PPEF2: variants seen among roughly 807,000 people sequenced by gnomAD.
PPEF2 encodes protein phosphatase with EF-hand domain 2.
Under a neutral mutation model 84.7 loss-of-function variants are expected in PPEF2, and 84 were observed. That is an observed-to-expected ratio of 0.99 (90% CI 0.83 to 1.19). PPEF2 has a LOEUF of 1.19. PPEF2 is among the 50% of genes most tolerant of loss of function. The pLI is 0.00. For missense variants in PPEF2, 924 were observed against 937.5 expected, an observed-to-expected ratio of 0.99 and a Z score of 0.19; for synonymous variants, 346 against 345.2, an observed-to-expected ratio of 1.00 and a Z score of -0.03.
At chr4:75,878,690 T>C (rs1578007407) in intron 10 of PPEF2, among the ~76,000 whole-genome samples, 1 of 152,182 alleles carries the variant, frequency 6.6e-6, no homozygotes, top group South Asian at 2.1e-4. Context: ...AGCCACAAAA[T>C]GTAAACCAAC....
At chr4:75,883,280 T>C (rs1300165569) in intron 8 of PPEF2, 78 bp from the exon 9 acceptor site, 3 of 1,340,366 alleles carry the variant, frequency 2.2e-6, no homozygotes, top group East Asian at 4.6e-5. Flanking sequence ...TTTAGAAGAA[T>C]GCATATTCTG....
At chr4:75,897,002 C>T (rs994220982) in intron 1 of PPEF2, among the ~76,000 whole-genome samples, 1 of 152,092 alleles carries the variant, frequency 6.6e-6, no homozygotes, top group African/African-American at 2.4e-5. Context: ...CTCACCCCCT[C>T]AGCCTCCCGG....
At chr4:75,885,535 T>C (rs2149223714) in intron 7 of PPEF2, among the ~76,000 whole-genome samples, 1 of 152,342 alleles carries the variant, frequency 6.6e-6, no homozygotes, top group Non-Finnish European at 1.5e-5. Flanking sequence ...TTTTCTATTA[T>C]TTATTTGCTG....
intron 11 of PPEF2, among the ~76,000 whole-genome samples, chr4:75,873,687 G>A (rs1478263752): frequency 6.6e-6 from 1 of 152,194 alleles, no homozygotes; most frequent in Non-Finnish European, 1.5e-5. Context: ...CTAAAGAGAA[G>A]GCGCAAGTCC....
At chr4:75,901,804 A>C (rs752689491) in intron 1 of PPEF2, among the ~76,000 whole-genome samples, 56 of 152,156 alleles carry the variant, frequency 3.7e-4, no homozygotes, top group Non-Finnish European at 6.5e-4. Flanking sequence ...TTATCATGAA[A>C]AACAAAAATT....
In PPEF2 at chr4:75,888,218, C is replaced by T. The variant is rs1159395087; in HGVS notation, c.528G>A (p.Val176=). 1 of 1,605,804 alleles carries T rather than the reference C, an allele frequency of 6.2e-7. No individual in the cohort carries two copies. Among genetic ancestry groups the T allele is most frequent in the Admixed American group, 1.7e-5 (1 of 60,008 alleles). Residue 176 remains valine, a synonymous_variant, in exon 6 of 17, where the codon GTG becomes GTA. Transcript: ENST00000286719. Reference sequence around the variant, plus strand: ...CCGTTTCTGACCAGCTCTTACCACACACTGTGATCTCCTCACTGTAACAGG... The same window carrying T: ...CCGTTTCTGACCAGCTCTTACCACATACTGTGATCTCCTCACTGTAACAGG... ...VSTCYSEEIT[V]CGDLHGQLDD...
chr4:75,860,908 A>C lies in PPEF2; in HGVS notation c.2021T>G (p.Leu674Arg), dbSNP rs1560477697. 2 of 1,613,972 alleles carry C rather than the reference A, an allele frequency of 1.2e-6. No individual in the cohort carries two copies. Among genetic ancestry groups the C allele is most frequent in the South Asian group, 1.1e-5 (1 of 91,080 alleles). The change falls in exon 17 of 17, where the codon CTG (leucine) becomes CGG (arginine). Residue 674 changes from leucine (L) to arginine (R), a missense_variant. Transcript: ENST00000286719. ...IDSDHSGFIS[L>R]DEFRQTWKLF... ...CTTCCAGGTCTGCCTGAACTCGTCC[A>C]GTGAGATGAACCCTTATCAGAGGGA... is the stretch of plus-strand genomic sequence containing the variant.
At chr4:75,867,279 T>C in intron 14 of PPEF2, 34 bp downstream of exon 14, 1 of 1,541,224 alleles carries the variant, frequency 6.5e-7, no homozygotes, top group Non-Finnish European at 9.0e-7. Flanking sequence ...GCTAGCTTCC[T>C]TCCTCTGTGA....
intron 2 of PPEF2, among the ~76,000 whole-genome samples, chr4:75,893,522 G>C (rs1406894306): frequency 6.7e-6 from 1 of 149,868 alleles, no homozygotes; most frequent in Non-Finnish European, 1.5e-5. Context: ...ACACACAAAA[G>C]AGAATAGTGA....
At chr4:75,893,487 G>GACACAC (rs10624574) in intron 2 of PPEF2, among the ~76,000 whole-genome samples, 34,215 of 148,800 alleles carry the variant, frequency 0.23, 4,072 homozygotes, top group Non-Finnish European at 0.26. Flanking sequence ...TAGAGACTCT[G>GACACAC]ACACACACAC....
At chr4:75,893,224 G>A (rs575307592) in intron 2 of PPEF2, among the ~76,000 whole-genome samples, 70 of 152,282 alleles carry the variant, frequency 4.6e-4, no homozygotes, top group African/African-American at 1.6e-3. Context: ...GAGGCTGGGC[G>A]TGGTGGCTCA....
intron 1 of PPEF2, among the ~76,000 whole-genome samples, chr4:75,898,655 T>A (rs1725059567): frequency 6.6e-6 from 1 of 152,196 alleles, no homozygotes; most frequent in Non-Finnish European, 1.5e-5. Context: ...TCCCCAGGAT[T>A]TAGCACAGTG....
In PPEF2 at chr4:75,902,231, T is replaced by A. The variant is rs1725138219; in HGVS notation, c.-60A>T. On this transcript the variant is annotated splice_region_variant and 5_prime_UTR_variant, in exon 1 of 17. It adds an upstream start codon to the 5' untranslated region. Coordinates refer to ENST00000286719, the MANE Select transcript of PPEF2 (RefSeq NM_006239.3). ...TTAGGCTAGACAGAAAGTTCTTACC[T>A]TCTTTGCTGGGTTTTTTATTTACCA... 6.6e-6 allele frequency: 1 copy of A among 152,252 alleles called. No homozygotes were observed. Among genetic ancestry groups the A allele is most frequent in the Admixed American group, 6.5e-5 (1 of 15,290 alleles). 9.4% of individuals were successfully genotyped at this position (152,252 alleles called of 1,614,324 possible).
intron 10 of PPEF2, among the ~76,000 whole-genome samples, chr4:75,879,973 C>T (rs1208188506): frequency 2.6e-5 from 4 of 151,780 alleles, no homozygotes; most frequent in South Asian, 4.2e-4. Context: ...GGAGTATAGG[C>T]GCGCGTCACC....
intron 2 of PPEF2, among the ~76,000 whole-genome samples, chr4:75,893,542 C>T (rs981168440): frequency 7.9e-5 from 12 of 151,980 alleles, no homozygotes; most frequent in Non-Finnish European, 1.5e-4. Context: ...AATGAAAGGT[C>T]CAGGGCTGGT....
At chr4:75,877,584 C>G (rs947998005) in intron 10 of PPEF2, among the ~76,000 whole-genome samples, 1 of 151,860 alleles carries the variant, frequency 6.6e-6, no homozygotes, top group East Asian at 1.9e-4. Flanking sequence ...GAGAGTAAGT[C>G]TGAGAAACAT....
At chr4:75,886,933 T>C in intron 6 of PPEF2, 35 bp from the exon 7 acceptor site, 4 of 1,226,962 alleles carry the variant, frequency 3.3e-6, no homozygotes, top group Non-Finnish European at 2.3e-6. Flanking sequence ...CAATTCTGAT[T>C]GTTCCTTACC....
chr4:75,882,539 C>CTT (rs34920440), intron 10 of PPEF2, among the ~76,000 whole-genome samples: 127,484 of 148,968 alleles, frequency 0.86, 56,966 homozygotes, highest in East Asian at 0.99. Flanking sequence ...GGTTCTCAAT[C>CTT]TTTTTTTTTT....
chr4:75,890,263 A>G, intron 4 of PPEF2, 131 bp from the exon 5 acceptor site: 1 of 958,186 alleles, frequency 1.0e-6, no homozygotes, highest in East Asian at 2.6e-5. Context: ...AGGAGGGAGG[A>G]TTGCTTGAGC....
Sources: gnomAD v4.1 joint callset for allele counts (sites outside exome capture counted in the v4.1 genomes callset) on GRCh38, gnomAD v4.1.1 for gene constraint, MANE v1.5 for transcripts, NCBI Gene and HGNC (gene_info 2026-07-23, HGNC 2026-07-21) for gene names.